Variants in SLC25A26 observed in about 807,000 individuals in gnomAD.
The protein encoded by SLC25A26 is mitochondrial S-adenosylmethionine carrier protein.
In SLC25A26, 36 loss-of-function variants were observed where a neutral mutation model predicts 37.8. The ratio of observed to expected loss-of-function variants is 0.95; its 90% CI spans 0.73 to 1.26. The LOEUF (loss-of-function observed/expected upper bound fraction) is 1.26. Among genes scored for constraint, SLC25A26 ranks in the 50% most tolerant of loss-of-function variants. SLC25A26 has a pLI of 0.00. For synonymous variants in SLC25A26, 129 were observed against 122.5 expected (o/e 1.05, Z -0.35); for missense variants, 390 against 331.1 (o/e 1.18, Z -1.38).
chr3:66,276,556 A>G (rs1288285331), intron 5 of SLC25A26, among the ~76,000 whole-genome samples: 3 of 152,126 alleles, frequency 2.0e-5, no homozygotes, highest in Non-Finnish European at 4.4e-5. Flanking sequence ...ACAGCCATTA[A>G]TATTGATTTC....
intron 5 of SLC25A26, among the ~76,000 whole-genome samples, chr3:66,343,882 G>T (rs1431139030): frequency 6.6e-6 from 1 of 152,160 alleles, no homozygotes; most frequent in Non-Finnish European, 1.5e-5. Flanking sequence ...GAAATATAAT[G>T]CTTGAGTTTC....
At chr3:66,215,096 G>T (rs1458158475) in intron 1 of SLC25A26, among the ~76,000 whole-genome samples, 1 of 152,086 alleles carries the variant, frequency 6.6e-6, no homozygotes, top group Non-Finnish European at 1.5e-5. Flanking sequence ...CTACATTCCC[G>T]CCTGGGTGAG....
chr3:66,267,725 A>G lies in SLC25A26; in HGVS notation c.453+4346A>G, dbSNP rs145625691. ...TTTGCTGTAAGCAGTCAACATGCCA[A>G]ACAAGTAATTCAATCTGTTCAGTAA... On this transcript the variant is annotated intron_variant, in intron 5 of 9. Coordinates refer to ENST00000354883, the MANE Select transcript of SLC25A26 (RefSeq NM_001379210.1). 4.6e-5 allele frequency among the ~76,000 whole-genome samples: 7 copies of G among 152,348 alleles called. No individual in the cohort carries two copies. The East Asian group carries it at 1.2e-3, about 25-fold the overall frequency.
intron 1 of SLC25A26, among the ~76,000 whole-genome samples, chr3:66,181,950 A>G (rs1378650305): frequency 1.3e-5 from 2 of 152,028 alleles, no homozygotes; most frequent in African/African-American, 2.4e-5. Context: ...CCGTGTGCCC[A>G]CATTTGGGCA....
intron 5 of SLC25A26, among the ~76,000 whole-genome samples, chr3:66,267,710 G>A (rs2073807571): frequency 6.6e-6 from 1 of 152,180 alleles, no homozygotes; most frequent in Non-Finnish European, 1.5e-5. Flanking sequence ...TTTGCTGTAA[G>A]CAGTCAACAT....
intron 1 of SLC25A26, among the ~76,000 whole-genome samples, chr3:66,230,789 G>C (rs1363288463): frequency 1.2e-5 from 1 of 85,944 alleles, no homozygotes; most frequent in African/African-American, 4.4e-5. Flanking sequence ...TGGGCAACAA[G>C]AGCAAAACTC....
At chr3:66,168,350 C>G (rs1450687495) in intron 1 of SLC25A26, among the ~76,000 whole-genome samples, 3 of 151,914 alleles carry the variant, frequency 2.0e-5, no homozygotes, top group Non-Finnish European at 2.9e-5. Context: ...TGATAGAAAA[C>G]TCTATTGCTG....
intron 5 of SLC25A26, 71 bp downstream of exon 5, chr3:66,263,450 T>A: frequency 1.1e-6 from 1 of 904,898 alleles, no homozygotes; most frequent in Non-Finnish European, 1.8e-6. Flanking sequence ...TTATACTACT[T>A]AACAATTAGA....
chr3:66,214,038 G>A (rs1053779994), intron 1 of SLC25A26, among the ~76,000 whole-genome samples: 15 of 152,206 alleles, frequency 9.9e-5, no homozygotes, highest in East Asian at 5.8e-4. Flanking sequence ...CAGAGTTTAC[G>A]GTTTGATATG....
intron 1 of SLC25A26, among the ~76,000 whole-genome samples, chr3:66,155,447 A>G (rs1355707427): frequency 6.6e-6 from 1 of 152,212 alleles, no homozygotes; most frequent in Non-Finnish European, 1.5e-5. Flanking sequence ...CAGGAGGTTG[A>G]GGCTACAGTG....
At chr3:66,184,398 C>T (rs1240261872) in intron 1 of SLC25A26, among the ~76,000 whole-genome samples, 1 of 151,870 alleles carries the variant, frequency 6.6e-6, no homozygotes. Context: ...TCATACTGGT[C>T]TTAAATTCAT....
At chr3:66,294,335 T>C (rs568883941) in intron 5 of SLC25A26, among the ~76,000 whole-genome samples, 1 of 152,252 alleles carries the variant, frequency 6.6e-6, no homozygotes, top group South Asian at 2.1e-4. Flanking sequence ...TGCCGGTGTA[T>C]AGGAATGCTA....
chr3:66,214,719 T>C (rs916592948), intron 1 of SLC25A26, among the ~76,000 whole-genome samples: 47 of 152,208 alleles, frequency 3.1e-4, no homozygotes, highest in Non-Finnish European at 8.8e-5. Context: ...ATTATATACA[T>C]TGCACATATT....
intron 4 of SLC25A26, 28 bp from the exon 5 acceptor site, chr3:66,263,304 T>C (rs2073602132): frequency 1.9e-6 from 3 of 1,595,742 alleles, no homozygotes; most frequent in Non-Finnish European, 2.6e-6. Flanking sequence ...CCATTCTTTC[T>C]GAACTCTCGG....
chr3:66,178,995 A>G (rs1218309792), intron 1 of SLC25A26, among the ~76,000 whole-genome samples: 6 of 152,216 alleles, frequency 3.9e-5, no homozygotes, highest in Admixed American at 1.3e-4. Flanking sequence ...GAGGCTTGCA[A>G]GCAGCATAGA....
intron 3 of SLC25A26, among the ~76,000 whole-genome samples, chr3:66,245,511 T>C (rs576565535): frequency 1.3e-5 from 2 of 152,322 alleles, no homozygotes; most frequent in South Asian, 4.1e-4. Flanking sequence ...GTCTTAAGTT[T>C]GTAAGCCTTT....
At chr3:66,190,715 C>T (rs920219399) in intron 1 of SLC25A26, among the ~76,000 whole-genome samples, 5 of 152,300 alleles carry the variant, frequency 3.3e-5, no homozygotes, top group Non-Finnish European at 5.9e-5. Context: ...AGGCATGAGC[C>T]ACTGTGCCTG....
chr3:66,357,413 CTTAAG>C (rs2076601834), intron 6 of SLC25A26, among the ~76,000 whole-genome samples: 1 of 152,162 alleles, frequency 6.6e-6, no homozygotes, highest in Non-Finnish European at 1.5e-5. Flanking sequence ...GATCCTGTCT[CTTAAG>C]TTACTTACAT....
intron 1 of SLC25A26, among the ~76,000 whole-genome samples, chr3:66,162,886 C>T (rs2070379705): frequency 6.6e-6 from 1 of 152,214 alleles, no homozygotes; most frequent in Non-Finnish European, 1.5e-5. Context: ...CTCCAGTTCA[C>T]AGCTGAGAAA....
Sources: allele counts gnomAD v4.1 joint callset (sites outside exome capture counted in the v4.1 genomes callset), GRCh38; gene constraint gnomAD v4.1.1; transcripts MANE v1.5; gene names NCBI Gene and HGNC (gene_info 2026-07-23, HGNC 2026-07-21).